CYRIB: variants seen among roughly 807,000 people sequenced by gnomAD.
The protein encoded by CYRIB is CYFIP related Rac1 interactor B.
In CYRIB, 8 loss-of-function variants were observed where a neutral mutation model predicts 44.2. The observed-to-expected ratio is 0.18, with a 90% CI of 0.11 to 0.33. The LOEUF (loss-of-function observed/expected upper bound fraction) is 0.33, where lower values mean the gene tolerates loss of function less well. Ranked by LOEUF, CYRIB falls within the 10% of genes least tolerant of loss-of-function variation. CYRIB has a pLI of 1.00. For missense variants in CYRIB, 185 were observed against 382.8 expected (o/e 0.48, Z 4.31); for synonymous variants, 131 against 127.2 (o/e 1.03, Z -0.20).
chr8:130,005,813 T>TAA (rs58689229), intron 1 of CYRIB, among the ~76,000 whole-genome samples: 7 of 136,212 alleles, frequency 5.1e-5, no homozygotes, highest in African/African-American at 1.6e-4. Context: ...CCTCATCTCT[T>TAA]AAAAAAAAAA....
At chr8:129,951,404 A>C (rs1043493147) in intron 2 of CYRIB, among the ~76,000 whole-genome samples, 2 of 152,106 alleles carry the variant, frequency 1.3e-5, no homozygotes, top group Non-Finnish European at 2.9e-5. Flanking sequence ...ACAACTGAGG[A>C]CATAAGAAAA....
At chr8:129,898,525 G>C (rs1447765169) in intron 2 of CYRIB, among the ~76,000 whole-genome samples, 1 of 152,190 alleles carries the variant, frequency 6.6e-6, no homozygotes, top group Non-Finnish European at 1.5e-5. Context: ...CAGTTTGTCA[G>C]GTCTTTCTGT....
upstream of CYRIB, chr8:130,016,795 G>C (rs906737644): frequency 6.6e-6 from 1 of 151,362 alleles, no homozygotes; most frequent in Non-Finnish European, 1.5e-5. Context: ...CTCCCGAGCC[G>C]GGGCGCCACG....
intron 2 of CYRIB, among the ~76,000 whole-genome samples, chr8:129,902,093 C>T (rs1326000726): frequency 2.0e-5 from 3 of 152,166 alleles, no homozygotes; most frequent in African/African-American, 7.2e-5. Context: ...ACAAAAAATA[C>T]TCGTTAAGAA....
At chr8:129,967,438 G>C (rs2095526327) in intron 2 of CYRIB, among the ~76,000 whole-genome samples, 2 of 150,660 alleles carry the variant, frequency 1.3e-5, no homozygotes, top group Admixed American at 1.3e-4. Flanking sequence ...GGAGTGCAGT[G>C]GCGCGATCTC....
intron 1 of CYRIB, among the ~76,000 whole-genome samples, chr8:129,905,342 C>A (rs552452900): frequency 6.6e-6 from 1 of 152,262 alleles, no homozygotes; most frequent in South Asian, 2.1e-4. Context: ...CTCAGCCTCC[C>A]AAGCGGCTAG....
chr8:129,985,839 G>A (rs1053201198), intron 1 of CYRIB, among the ~76,000 whole-genome samples: 4 of 152,156 alleles, frequency 2.6e-5, no homozygotes, highest in Admixed American at 1.3e-4. Context: ...AGCCCCTGAG[G>A]GTGAGCAGGT....
intron 1 of CYRIB, 49 bp from the exon 2 acceptor site, chr8:129,971,044 T>G (rs1042463822): frequency 6.6e-6 from 1 of 152,226 alleles, no homozygotes; most frequent in East Asian, 1.9e-4. Flanking sequence ...CAGTTCTCAG[T>G]ACACAGAAAG....
intron 1 of CYRIB, among the ~76,000 whole-genome samples, chr8:129,928,615 A>G (rs529523451): frequency 6.6e-6 from 1 of 151,966 alleles, no homozygotes; most frequent in East Asian, 1.9e-4. Flanking sequence ...AGGTGTGATT[A>G]TGCCACTATA....
At chr8:129,892,432 G>A (rs2065845048) in intron 2 of CYRIB, among the ~76,000 whole-genome samples, 1 of 151,642 alleles carries the variant, frequency 6.6e-6, no homozygotes. Flanking sequence ...GAAAAGCCTG[G>A]TCACACAAGT....
chr8:129,975,852 C>A (rs2095892993), intron 1 of CYRIB, among the ~76,000 whole-genome samples: 1 of 152,198 alleles, frequency 6.6e-6, no homozygotes, highest in South Asian at 2.1e-4. Context: ...GGTCCCCACT[C>A]TGCATAATTA....
chr8:130,002,013 C>G (rs1349346573), intron 1 of CYRIB, among the ~76,000 whole-genome samples: 1 of 152,180 alleles, frequency 6.6e-6, no homozygotes, highest in Non-Finnish European at 1.5e-5. Flanking sequence ...AGCTGTCTTT[C>G]TTTAATCAGG....
At chr8:129,888,445 T>A (rs1357931672) in intron 2 of CYRIB, among the ~76,000 whole-genome samples, 1 of 152,150 alleles carries the variant, frequency 6.6e-6, no homozygotes, top group East Asian at 1.9e-4. Context: ...TCTTACACAA[T>A]CTGCTCCGAC....
intron 2 of CYRIB, among the ~76,000 whole-genome samples, chr8:129,965,232 A>G (rs2095424752): frequency 7.0e-6 from 1 of 142,202 alleles, no homozygotes; most frequent in African/African-American, 2.6e-5. Flanking sequence ...AGAGATATAC[A>G]GAATTCCCCC....
At chr8:129,900,381 T>G (rs904221177) in intron 2 of CYRIB, among the ~76,000 whole-genome samples, 3 of 152,180 alleles carry the variant, frequency 2.0e-5, no homozygotes, top group African/African-American at 4.8e-5. Flanking sequence ...ATGCTGTTTT[T>G]GCTGTTAATC....
At chr8:129,893,889 C>A (rs2066619800) in intron 2 of CYRIB, among the ~76,000 whole-genome samples, 1 of 150,996 alleles carries the variant, frequency 6.6e-6, no homozygotes, top group Non-Finnish European at 1.5e-5. Context: ...ATTTTTTACT[C>A]CAAAGGTATA....
chr8:130,006,303 A>G (rs1464905925), intron 1 of CYRIB, among the ~76,000 whole-genome samples: 1 of 151,494 alleles, frequency 6.6e-6, no homozygotes, highest in Non-Finnish European at 1.5e-5. Context: ...ACTCTGTCTC[A>G]AAAGAAAAAA....
At chr8:129,874,873 C>T (rs1447065442) in intron 3 of CYRIB, among the ~76,000 whole-genome samples, 1 of 151,946 alleles carries the variant, frequency 6.6e-6, no homozygotes, top group Non-Finnish European at 1.5e-5. Context: ...AAGGGGGAAA[C>T]AAGTAACACA....
chr8:129,875,806 T>A (rs1417471405), intron 3 of CYRIB, among the ~76,000 whole-genome samples: 1 of 152,074 alleles, frequency 6.6e-6, no homozygotes, highest in Non-Finnish European at 1.5e-5. Context: ...AATTCAAACA[T>A]CACCATCAGA....
Sources: gnomAD v4.1 joint callset for allele counts (sites outside exome capture counted in the v4.1 genomes callset) on GRCh38, gnomAD v4.1.1 for gene constraint, MANE v1.5 for transcripts, NCBI Gene and HGNC (gene_info 2026-07-23, HGNC 2026-07-21) for gene names.